The following SH3BP5 variants were observed in gnomAD, a reference collection of about 807,000 sequenced individuals.
The protein encoded by SH3BP5 is SH3 domain binding protein 5, also known as SH3 domain-binding protein 5.
A neutral mutation model predicts 43.3 loss-of-function variants in SH3BP5; 22 were observed. The ratio of observed to expected loss-of-function variants is 0.51; its 90% confidence interval spans 0.36 to 0.73. SH3BP5 has a LOEUF of 0.73. SH3BP5 is among the 30% of genes least tolerant of loss of function. The pLI, the probability that SH3BP5 is intolerant of heterozygous loss-of-function variation, is 0.00. For synonymous variants in SH3BP5, 255 were observed against 225.8 expected (o/e 1.13, Z -1.16); for missense variants, 529 against 586.9 (o/e 0.90, Z 1.02).
At chr3:15,283,495 A>C (rs1011400441) in intron 3 of SH3BP5, among the ~76,000 whole-genome samples, 2 of 152,222 alleles carry the variant, frequency 1.3e-5, no homozygotes, top group South Asian at 4.1e-4. Flanking sequence ...TGAGCTGCTC[A>C]TGGTCCCTTA....
Position 15,327,657 on chromosome 3 carries a change from G to A in SH3BP5, c.201+2847C>T, listed in dbSNP as rs143269992. 2.5e-3 allele frequency among the ~76,000 whole-genome samples: 381 copies of A among 152,316 alleles called. 3 individuals carry two copies. Among genetic ancestry groups the A allele is most frequent in the Non-Finnish European group, 1.5e-3 (99 of 68,024 alleles). ...TCTGCTACTCACCCCAACCAAAAAC[G>A]TAAACTCCTGGAGGGCAAGGTCTTT... On this transcript the variant is annotated intron_variant, in intron 2 of 8. Coordinates refer to ENST00000383791, the MANE Select transcript of SH3BP5 (RefSeq NM_004844.5).
chr3:15,256,755 T>C, intron 8 of SH3BP5, 98 bp downstream of exon 8: 3 of 1,354,694 alleles, frequency 2.2e-6, no homozygotes, highest in Non-Finnish European at 3.0e-6. Flanking sequence ...TAATGCAGCA[T>C]GGGGGCCCTG....
chr3:15,265,841 C>T (rs373760627), intron 4 of SH3BP5, among the ~76,000 whole-genome samples: 2 of 152,098 alleles, frequency 1.3e-5, no homozygotes, highest in South Asian at 2.1e-4. Context: ...AGAGATACTG[C>T]TCAGCCCCGG....
chr3:15,332,606 C>G (rs1156930977), upstream of SH3BP5: 5 of 1,191,558 alleles, frequency 4.2e-6, no homozygotes, highest in Non-Finnish European at 5.2e-6. Context: ...GCGGCCGCCC[C>G]CTTTCTGCCG....
intron 3 of SH3BP5, among the ~76,000 whole-genome samples, chr3:15,276,821 T>C (rs1051853817): frequency 6.6e-6 from 1 of 152,258 alleles, no homozygotes; most frequent in Admixed American, 6.5e-5. Context: ...GCTTTAGCAT[T>C]TATTCTGTTT....
At chr3:15,335,090 A>C (rs1250102103), upstream of SH3BP5, among the ~76,000 whole-genome samples, 1 of 152,150 alleles carries the variant, frequency 6.6e-6, no homozygotes, top group African/African-American at 2.4e-5. Flanking sequence ...CAGCCTGGAC[A>C]ACAAAGCAAG....
chr3:15,311,846 A>T (rs1157800871), intron 2 of SH3BP5, among the ~76,000 whole-genome samples: 1 of 151,862 alleles, frequency 6.6e-6, no homozygotes, highest in African/African-American at 2.4e-5. Flanking sequence ...GCTAATTTTT[A>T]AATTTTTTGT....
chr3:15,329,875 T>C (rs1186582271), intron 2 of SH3BP5, among the ~76,000 whole-genome samples: 1 of 152,268 alleles, frequency 6.6e-6, no homozygotes, highest in Non-Finnish European at 1.5e-5. Flanking sequence ...GAATGCTAAC[T>C]TGTTTACACT....
At chr3:15,314,723 T>G (rs571466555) in intron 2 of SH3BP5, among the ~76,000 whole-genome samples, 1 of 152,162 alleles carries the variant, frequency 6.6e-6, no homozygotes, top group African/African-American at 2.4e-5. Flanking sequence ...CAAATACAAA[T>G]GGAAAGGAAT....
At chr3:15,319,984 C>G (rs1698280286) in intron 2 of SH3BP5, among the ~76,000 whole-genome samples, 1 of 152,158 alleles carries the variant, frequency 6.6e-6, no homozygotes, top group Non-Finnish European at 1.5e-5. Context: ...TAGGGAGAAA[C>G]AGTAACCAGA....
intron 5 of SH3BP5, among the ~76,000 whole-genome samples, chr3:15,261,535 G>C (rs1320208380): frequency 6.6e-6 from 1 of 152,128 alleles, no homozygotes; most frequent in Non-Finnish European, 1.5e-5. Context: ...TCTATCTTTG[G>C]CTGTTAAGTC....
At chr3:15,259,632 C>A in intron 6 of SH3BP5, 129 bp downstream of exon 6, 2 of 918,742 alleles carry the variant, frequency 2.2e-6, no homozygotes, top group East Asian at 2.4e-5. Context: ...GGTCTGAAAA[C>A]TCAGTAAAGC....
intron 2 of SH3BP5, among the ~76,000 whole-genome samples, chr3:15,312,647 G>C (rs1251358119): frequency 6.6e-6 from 1 of 152,140 alleles, no homozygotes; most frequent in African/African-American, 2.4e-5. Flanking sequence ...GATTTTGTCA[G>C]GGAGAAAGAC....
intron 2 of SH3BP5, among the ~76,000 whole-genome samples, chr3:15,310,223 T>C (rs770068292): frequency 6.6e-6 from 1 of 152,194 alleles, no homozygotes; most frequent in Non-Finnish European, 1.5e-5. Context: ...AGGAAATTTC[T>C]TCCACTTGAG....
intron 2 of SH3BP5, among the ~76,000 whole-genome samples, chr3:15,310,035 A>C (rs1037578587): frequency 1.3e-5 from 2 of 150,790 alleles, no homozygotes; most frequent in African/African-American, 4.9e-5. Flanking sequence ...CTGTCTCCCC[A>C]GTGTTACAGC....
At chr3:15,334,189 T>C (rs1698672961), upstream of SH3BP5, among the ~76,000 whole-genome samples, 2 of 152,222 alleles carry the variant, frequency 1.3e-5, no homozygotes, top group Non-Finnish European at 2.9e-5. Flanking sequence ...CTATGAGACA[T>C]AGGCCAACTG....
intron 2 of SH3BP5, among the ~76,000 whole-genome samples, chr3:15,320,670 T>C (rs1698304217): frequency 1.5e-5 from 2 of 130,704 alleles, no homozygotes; most frequent in East Asian, 4.4e-4. Context: ...CTACAACAAA[T>C]GCTGACAAAG....
chr3:15,254,819 G>GGAGT lies in SH3BP5; in HGVS notation c.*1263_*1266dup, dbSNP rs1696134778. ...TGCCTAGAAGATTTAGGCAATACTG[G>GGAGT]GAGTTCTTATTTGAAGTCACAGAAA... On this transcript the variant is annotated 3_prime_UTR_variant, in exon 9 of 9. Transcript: ENST00000383791. The GGAGT allele has an allele frequency of 6.6e-6, 1 of 152,156 alleles. No homozygotes were observed. Among genetic ancestry groups the GGAGT allele is most frequent in the Non-Finnish European group, 1.5e-5 (1 of 68,030 alleles). The allele number at this position is 152,156 out of a possible 1,614,324, so 9.4% of individuals were successfully genotyped here.
At chr3:15,283,138 C>T (rs1697172890) in intron 3 of SH3BP5, among the ~76,000 whole-genome samples, 1 of 152,224 alleles carries the variant, frequency 6.6e-6, no homozygotes, top group African/African-American at 2.4e-5. Context: ...TGGCTCACGC[C>T]TGTAATCTCA....
Sources: allele counts gnomAD v4.1 joint callset (sites outside exome capture counted in the v4.1 genomes callset), GRCh38; gene constraint gnomAD v4.1.1; transcripts MANE v1.5; gene names NCBI Gene and HGNC (gene_info 2026-07-23, HGNC 2026-07-21).